Variants in NUB1 observed in about 807,000 individuals in gnomAD.
NUB1 encodes NEDD8 ultimate buster 1.
A neutral mutation model predicts 77.1 loss-of-function variants in NUB1; 41 were observed. That is an observed-to-expected ratio of 0.53 (90% CI 0.41 to 0.69). NUB1 has a LOEUF of 0.69. Among genes scored for constraint, NUB1 ranks in the 30% least tolerant of loss-of-function variants. The pLI, the probability that NUB1 is intolerant of heterozygous loss-of-function variation, is 0.00. For synonymous variants in NUB1, 257 were observed against 281.0 expected (o/e 0.91, Z 0.85); for missense variants, 643 against 743.8 (o/e 0.86, Z 1.58).
chr7:151,352,637 A>T lies in NUB1; in HGVS notation c.345-175A>T, dbSNP rs945166661. Among the ~76,000 whole-genome samples the T allele has an allele frequency of 7.9e-5, 12 of 152,116 alleles. 1 individual carries two copies. Among genetic ancestry groups the T allele is most frequent in the Admixed American group, 3.3e-4 (5 of 15,282 alleles). ...TTTAAAAATTTTTTGTAGAGATAGGATCTCTCTGTTGCCCAGGCTGGTCTT... is the reference window on the plus strand; with the variant it reads ...TTTAAAAATTTTTTGTAGAGATAGGTTCTCTCTGTTGCCCAGGCTGGTCTT... On this transcript the variant is annotated intron_variant, in intron 4 of 14. Coordinates refer to ENST00000568733, the MANE Select transcript of NUB1 (RefSeq NM_001243351.2).
At chr7:151,368,670 T>C in intron 10 of NUB1, 65 bp from the exon 11 acceptor site, 1 of 1,485,872 alleles carries the variant, frequency 6.7e-7, no homozygotes, top group South Asian at 1.4e-5. Flanking sequence ...CTTTTAGGCT[T>C]TCACTTTGTA....
At chr7:151,357,502 T>A (rs114130767) in intron 7 of NUB1, among the ~76,000 whole-genome samples, 1 of 152,220 alleles carries the variant, frequency 6.6e-6, no homozygotes, top group Non-Finnish European at 1.5e-5. Flanking sequence ...TAGCTTCTTA[T>A]AATGAATGAC....
At chr7:151,370,748 G>A (rs1408209973) in intron 11 of NUB1, among the ~76,000 whole-genome samples, 3 of 134,850 alleles carry the variant, frequency 2.2e-5, no homozygotes, top group African/African-American at 5.7e-5. Flanking sequence ...CTGTGTCCAC[G>A]TGTTCTCATT....
chr7:151,356,330 C>G, intron 7 of NUB1, 108 bp downstream of exon 7: 2 of 795,240 alleles, frequency 2.5e-6, no homozygotes, highest in Non-Finnish European at 4.3e-6. Context: ...GGAAACAGTG[C>G]TCCATCTCCA....
Position 151,359,442 on chromosome 7 carries a change from C to CAA in NUB1, c.694-687_694-686dup, listed in dbSNP as rs59705983. Among the ~76,000 whole-genome samples, 1,033 of 109,288 alleles carry CAA rather than the reference C, an allele frequency of 9.5e-3. 7 individuals are homozygous for CAA. The highest frequency in any genetic ancestry group is 0.027 in the African/African-American group (796 of 29,374). 71.7% of individuals were successfully genotyped at this position (109,288 alleles called of 152,430 possible). A position where few individuals can be genotyped will look rare whatever the true frequency, so the allele number is the denominator to read the frequency against. On this transcript the variant is annotated intron_variant, in intron 7 of 14. Coordinates refer to ENST00000568733, the MANE Select transcript of NUB1 (RefSeq NM_001243351.2). ...TGGGTGACAGAGCGAGACTCTGTCT[C>CAA]AAAAAAAAAAAAAGAATAGAAAGTG...
intron 8 of NUB1, among the ~76,000 whole-genome samples, chr7:151,365,318 CTTT>C (rs11354135): frequency 2.5e-4 from 36 of 141,632 alleles, no homozygotes; most frequent in Admixed American, 2.8e-4. Flanking sequence ...TCTTCTCTCT[CTTT>C]TTTTTTTTTT....
Position 151,367,059 on chromosome 7 carries a change from A to C in NUB1, c.921A>C (p.Leu307Phe). ...LECLDDAEKK[L>F]NLAQKCFKNC... ...GCCTTGATGATGCAGAAAAAAAATT[A>C]AACTTGGCCCAGAAATGCTTTAAAA... Residue 307 changes from leucine (L) to phenylalanine (F), a missense_variant, in exon 9 of 15, where the codon TTA becomes TTC. Transcript: ENST00000568733. 1.2e-6 allele frequency: 2 copies of C among 1,613,960 alleles called. No individual in the cohort carries two copies. Among genetic ancestry groups the C allele is most frequent in the Non-Finnish European group, 1.7e-6 (2 of 1,179,856 alleles).
At chr7:151,348,774 C>T (rs539814003) in intron 2 of NUB1, among the ~76,000 whole-genome samples, 1 of 152,046 alleles carries the variant, frequency 6.6e-6, no homozygotes, top group South Asian at 2.1e-4. Flanking sequence ...GGGGTTTCAC[C>T]ATGTTGGCCA....
intron 4 of NUB1, among the ~76,000 whole-genome samples, chr7:151,352,580 C>A (rs1174348205): frequency 1.3e-5 from 2 of 152,112 alleles, no homozygotes; most frequent in Non-Finnish European, 2.9e-5. Context: ...GCAGCTAGGG[C>A]CACAGGCATG....
intron 7 of NUB1, 139 bp downstream of exon 7, chr7:151,356,361 C>T: frequency 1.5e-6 from 1 of 688,222 alleles, no homozygotes; most frequent in Admixed American, 2.2e-5. Flanking sequence ...CAGAAAATGT[C>T]ACCACGTGGT....
intron 13 of NUB1, chr7:151,376,401 C>T (rs1798252072): frequency 1.9e-6 from 1 of 536,908 alleles, no homozygotes; most frequent in Non-Finnish European, 3.3e-6. Flanking sequence ...AGCCCGAGGT[C>T]ACTGCCTGTC....
At chr7:151,375,753 G>A (rs1016666903) in intron 12 of NUB1, 95 bp from the exon 13 acceptor site, 3 of 803,356 alleles carry the variant, frequency 3.7e-6, no homozygotes, top group South Asian at 1.4e-5. Flanking sequence ...AGCAGAGGAC[G>A]GCGGGGTCTG....
intron 8 of NUB1, among the ~76,000 whole-genome samples, chr7:151,364,024 C>T (rs983488242): frequency 2.0e-5 from 3 of 151,510 alleles, no homozygotes; most frequent in East Asian, 2.0e-4. Context: ...GAACTCCTGA[C>T]GTCAGGTGAT....
chr7:151,354,275 G>A (rs1476029935), intron 5 of NUB1, among the ~76,000 whole-genome samples: 2 of 148,018 alleles, frequency 1.4e-5, no homozygotes, highest in Non-Finnish European at 3.0e-5. Context: ...TTTTATTACT[G>A]TGGCTTTGTT....
At chr7:151,350,763 C>G (rs964267812) in intron 3 of NUB1, among the ~76,000 whole-genome samples, 6 of 152,296 alleles carry the variant, frequency 3.9e-5, no homozygotes, top group Admixed American at 2.0e-4. Context: ...GGGTGGCTTG[C>G]CGCCCACATA....
intron 13 of NUB1, 50 bp from the exon 14 acceptor site, chr7:151,376,584 G>A: frequency 4.6e-6 from 7 of 1,519,512 alleles, no homozygotes; most frequent in Non-Finnish European, 5.3e-6. Context: ...GACGGGGGTG[G>A]CAGAAGAGGC....
In NUB1 at chr7:151,368,763, T is replaced by C. The variant is rs1797820983; in HGVS notation, c.1124T>C (p.Ile375Thr). ...KARQLFKELY[I>T]DPSKVDNLLQ... ...CGTCAGCTCTTTAAAGAGCTATATA[T>C]TGATCCATCAAAAGTGGACAATTTG... Residue 375 changes from isoleucine (I) to threonine (T), a missense_variant, in exon 11 of 15, where the codon ATT (isoleucine) becomes ACT (threonine). Physicochemically the swap from Ile to Thr is moderately conservative, Grantham distance 89. Coordinates refer to ENST00000568733, the MANE Select transcript of NUB1 (RefSeq NM_001243351.2). 1.9e-6 allele frequency: 3 copies of C among 1,613,786 alleles called. No homozygotes were observed. Among genetic ancestry groups the C allele is most frequent in the Admixed American group, 3.3e-5 (2 of 59,988 alleles).
chr7:151,368,834 GC>G lies in NUB1; in HGVS notation c.1196del (p.Ala399GlyfsTer23). 1 of 1,614,046 alleles carries G rather than the reference GC, an allele frequency of 6.2e-7. No individual in the cohort carries two copies. Among genetic ancestry groups the G allele is most frequent in the Non-Finnish European group, 8.5e-7 (1 of 1,179,898 alleles). ...TAQEARLGLR[A>X]CDGNVDHAAT... The stretch of plus-strand genomic sequence containing the variant: ...CCAGGAAGCCCGGCTTGGCCTGAGG[GC>G]GTGTGATGGGAACGTGGATCATGCG... On this transcript the variant is annotated frameshift_variant, in exon 11 of 15. Coordinates refer to ENST00000568733, the MANE Select transcript of NUB1 (RefSeq NM_001243351.2). LOFTEE classifies it high-confidence loss of function.
At chr7:151,345,119 A>G (rs1796441512) in intron 1 of NUB1, among the ~76,000 whole-genome samples, 1 of 152,064 alleles carries the variant, frequency 6.6e-6, no homozygotes, top group African/African-American at 2.4e-5. Flanking sequence ...CTTGCTACAT[A>G]TTAGCAACTT....
Sources: allele counts gnomAD v4.1 joint callset (sites outside exome capture counted in the v4.1 genomes callset), GRCh38; gene constraint gnomAD v4.1.1; transcripts MANE v1.5; gene names NCBI Gene and HGNC (gene_info 2026-07-23, HGNC 2026-07-21).